Variants in CYTH3 observed in about 807,000 individuals in gnomAD.
The protein encoded by CYTH3 is cytohesin-3.
Under a neutral mutation model 55.1 loss-of-function variants are expected in CYTH3, and 23 were observed. The ratio of observed to expected loss-of-function variants is 0.42; its 90% confidence interval spans 0.30 to 0.59. The LOEUF is 0.59. Among genes scored for constraint, CYTH3 ranks in the 20% least tolerant of loss-of-function variants. The pLI, the probability that CYTH3 is intolerant of heterozygous loss-of-function variation, is 0.20. For synonymous variants in CYTH3, 249 were observed against 194.9 expected (o/e 1.28, Z -2.31); for missense variants, 413 against 524.8 (o/e 0.79, Z 2.08).
intron 4 of CYTH3, among the ~76,000 whole-genome samples, chr7:6,181,229 A>G (rs1308935443): frequency 6.6e-6 from 1 of 152,092 alleles, no homozygotes; most frequent in Non-Finnish European, 1.5e-5. Context: ...TCTCACTTTG[A>G]CATTCAAAGT....
At chr7:6,257,218 C>T (rs973595797) in intron 1 of CYTH3, among the ~76,000 whole-genome samples, 10 of 152,296 alleles carry the variant, frequency 6.6e-5, no homozygotes, top group Middle Eastern at 6.8e-3. Flanking sequence ...CATCTTCCCA[C>T]GCCTGGGAAA....
chr7:6,190,517 A>T lies in CYTH3; in HGVS notation c.49T>A (p.Ser17Thr). Residue 17 changes from serine to threonine, a missense_variant, in exon 2 of 13, where the codon TCA becomes ACA. Ser to Thr is a moderately conservative substitution (Grantham distance 58, BLOSUM62 1). Coordinates refer to ENST00000350796, the MANE Select transcript of CYTH3 (RefSeq NM_004227.4). Reference protein sequence around the residue: ...GEGGGVPEDLSLEEREELLDI... With the variant: ...GEGGGVPEDLTLEEREELLDI... ...AGAAGTTCTTCTCTCTCTTCTAATGAGAGGTCTTCAGGCACTGAAAGAAGA... is the reference window on the plus strand; with the variant it reads ...AGAAGTTCTTCTCTCTCTTCTAATGTGAGGTCTTCAGGCACTGAAAGAAGA... 1 of 1,515,768 alleles carries T rather than the reference A, an allele frequency of 6.6e-7. No homozygotes were observed. The highest frequency in any genetic ancestry group is 1.7e-4 in the Middle Eastern group (1 of 5,882). The allele number at this position is 1,515,768 out of a possible 1,614,324, so 93.9% of individuals were successfully genotyped here. A position where few individuals can be genotyped will look rare whatever the true frequency, so the allele number is the denominator to read the frequency against.
At chr7:6,264,895 G>A (rs1298071928) in intron 1 of CYTH3, among the ~76,000 whole-genome samples, 8 of 152,228 alleles carry the variant, frequency 5.3e-5, no homozygotes, top group Admixed American at 6.5e-5. Context: ...TAGGTAAGGC[G>A]TGACATGTGC....
At chr7:6,258,218 T>TG (rs1356464997) in intron 1 of CYTH3, among the ~76,000 whole-genome samples, 1 of 148,642 alleles carries the variant, frequency 6.7e-6, no homozygotes, top group Non-Finnish European at 1.5e-5. Context: ...GAGGCTGAGG[T>TG]GGGGGGATCA....
rs568397289 is a variant in CYTH3 at position 6,260,751 on chromosome 7, T to C, written c.34+11723A>G. 2.6e-5 allele frequency among the ~76,000 whole-genome samples: 4 copies of C among 152,284 alleles called. No individual in the cohort carries two copies. In the East Asian group the frequency reaches 7.7e-4, roughly 29 times the overall value. On this transcript the variant is annotated intron_variant, in intron 1 of 12. Transcript: ENST00000350796. The stretch of plus-strand genomic sequence containing the variant: ...CACTGGTTACCCTCCCAGTCCCCTT[T>C]GCTGTGCTGTCCTCAGTCCTAGGAT...
intron 1 of CYTH3, among the ~76,000 whole-genome samples, chr7:6,210,611 A>C (rs1203537440): frequency 6.6e-6 from 1 of 152,228 alleles, no homozygotes; most frequent in Admixed American, 6.5e-5. Context: ...ACTTTGGCTA[A>C]AAATGCGTGA....
chr7:6,187,194 TC>T, intron 3 of CYTH3, 78 bp from the exon 4 acceptor site: 6 of 1,471,942 alleles, frequency 4.1e-6, no homozygotes, highest in Non-Finnish European at 4.8e-6. Context: ...CAGTGTACTT[TC>T]CCCCGCAACA....
chr7:6,170,740 T>C lies in CYTH3; in HGVS notation c.711+90A>G. On this transcript the variant is annotated intron_variant, in intron 8 of 12. Transcript: ENST00000350796. The surrounding 1 kb of genome is among the most constrained non-coding windows in gnomAD (Gnocchi z 7.8). Reference sequence around the variant, plus strand: ...AGCGGGACCAGGGCGGCAAGGAGGCTTGGGAGGCGTGTCTAGAGCCGCGGG... The same window carrying C: ...AGCGGGACCAGGGCGGCAAGGAGGCCTGGGAGGCGTGTCTAGAGCCGCGGG... 1 of 1,567,282 alleles carries C rather than the reference T, an allele frequency of 6.4e-7. No homozygotes were observed. Among genetic ancestry groups the C allele is most frequent in the East Asian group, 2.3e-5 (1 of 43,018 alleles).
At chr7:6,207,140 G>A (rs1342701019) in intron 1 of CYTH3, among the ~76,000 whole-genome samples, 1 of 138,416 alleles carries the variant, frequency 7.2e-6, no homozygotes, top group African/African-American at 2.8e-5. Flanking sequence ...CGTCGCCCAG[G>A]CTGGAGTGCA....
At chr7:6,195,932 A>G (rs1163651428) in intron 1 of CYTH3, among the ~76,000 whole-genome samples, 1 of 152,216 alleles carries the variant, frequency 6.6e-6, no homozygotes, top group Non-Finnish European at 1.5e-5. Context: ...AAGCTCAAGG[A>G]GATCCAAAGT....
intron 1 of CYTH3, among the ~76,000 whole-genome samples, chr7:6,232,210 A>C (rs1391197770): frequency 6.6e-6 from 1 of 152,172 alleles, no homozygotes; most frequent in East Asian, 1.9e-4. Flanking sequence ...TTATTGAAAC[A>C]AACCAGCAGG....
At chr7:6,225,887 C>A (rs1199274007) in intron 1 of CYTH3, among the ~76,000 whole-genome samples, 4 of 151,806 alleles carry the variant, frequency 2.6e-5, no homozygotes, top group Admixed American at 6.6e-5. Flanking sequence ...ACCATGTTGG[C>A]CAGACTGGTC....
chr7:6,208,532 T>C (rs565622551), intron 1 of CYTH3, among the ~76,000 whole-genome samples: 8 of 147,928 alleles, frequency 5.4e-5, no homozygotes, highest in Admixed American at 5.3e-4. Flanking sequence ...TCATTCATTC[T>C]AGCTCATTTT....
intron 1 of CYTH3, among the ~76,000 whole-genome samples, chr7:6,252,071 T>C (rs1054257181): frequency 6.6e-6 from 1 of 152,228 alleles, no homozygotes; most frequent in Non-Finnish European, 1.5e-5. Context: ...GAGCAGAAGA[T>C]GCAAATCTTT....
chr7:6,259,337 G>T lies in CYTH3; in HGVS notation c.34+13137C>A, dbSNP rs562590223. Among the ~76,000 whole-genome samples the T allele has an allele frequency of 2.0e-5, 3 of 152,250 alleles. No individual in the cohort carries two copies. In the East Asian group the frequency reaches 5.8e-4, roughly 29 times the overall value. Reference sequence around the variant, plus strand: ...GACTACAGTAATTAACAATAGCCCTGTTGAGAGTTTAAAGCAGGAACTTTT... The same window carrying T: ...GACTACAGTAATTAACAATAGCCCTTTTGAGAGTTTAAAGCAGGAACTTTT... On this transcript the variant is annotated intron_variant, in intron 1 of 12. Coordinates refer to ENST00000350796, the MANE Select transcript of CYTH3 (RefSeq NM_004227.4).
intron 1 of CYTH3, among the ~76,000 whole-genome samples, chr7:6,198,329 A>G (rs530528058): frequency 2.2e-5 from 3 of 137,384 alleles, no homozygotes; most frequent in South Asian, 3.2e-4. Flanking sequence ...GGACACCCAG[A>G]TTGTATAGCA....
At chr7:6,174,651 G>A (rs28661918) in intron 5 of CYTH3, among the ~76,000 whole-genome samples, 2,932 of 148,678 alleles carry the variant, frequency 0.02, 113 homozygotes, top group African/African-American at 0.07. Context: ...GGGTTCAAGC[G>A]ATACTCCTGT....
At chr7:6,221,687 T>C (rs1784556999) in intron 1 of CYTH3, among the ~76,000 whole-genome samples, 1 of 141,716 alleles carries the variant, frequency 7.1e-6, no homozygotes, top group Non-Finnish European at 1.5e-5. Flanking sequence ...AATCTACAAA[T>C]TAGTTCAAAA....
At chr7:6,188,356 CAAAA>C (rs879833353) in intron 2 of CYTH3, among the ~76,000 whole-genome samples, 36 of 137,574 alleles carry the variant, frequency 2.6e-4, no homozygotes, top group African/African-American at 9.0e-4. Flanking sequence ...AACAAAAAAA[CAAAA>C]AAAAAAAGCC....
Sources: allele counts gnomAD v4.1 joint callset (sites outside exome capture counted in the v4.1 genomes callset), GRCh38; gene constraint gnomAD v4.1.1; non-coding constraint Gnocchi (gnomAD v3.1); transcripts MANE v1.5; gene names NCBI Gene and HGNC (gene_info 2026-07-23, HGNC 2026-07-21).